Variants in MID1 observed in about 807,000 individuals in gnomAD.
The protein encoded by MID1 is midline 1, also known as E3 ubiquitin-protein ligase Midline-1.
Under a neutral mutation model 40.4 loss-of-function variants are expected in MID1, and 7 were observed. The observed-to-expected ratio is 0.17, with a 90% CI of 0.10 to 0.33. MID1 has a LOEUF of 0.33. Among genes scored for constraint, MID1 ranks in the 10% least tolerant of loss-of-function variants. The pLI, the probability that MID1 is intolerant of heterozygous loss-of-function variation, is 1.00. For missense variants in MID1, 367 were observed against 558.5 expected (o/e 0.66, Z 3.46); for synonymous variants, 229 against 221.2 (o/e 1.04, Z -0.31).
chrX:10,763,039 G>C (rs752565673), intron 1 of MID1, among the ~76,000 whole-genome samples: 1 of 110,812 alleles, frequency 9.0e-6, no homozygotes, highest in Non-Finnish European at 1.9e-5. Context: ...CGTATTTTCC[G>C]CTTTGTGGGC....
intron 3 of MID1, among the ~76,000 whole-genome samples, chrX:10,516,226 G>A (rs1339041188): frequency 1.2e-5 from 1 of 86,343 alleles, no homozygotes; most frequent in Non-Finnish European, 2.1e-5. Context: ...ACGGAGTCTC[G>A]CTCTGTCCCC....
intron 1 of MID1, among the ~76,000 whole-genome samples, chrX:10,664,440 G>A (rs931249890): frequency 1.8e-5 from 2 of 112,023 alleles, no homozygotes; most frequent in African/African-American, 6.5e-5. Context: ...AAAGTGCTAG[G>A]ATTATAGGCA....
intron 5 of MID1, among the ~76,000 whole-genome samples, chrX:10,476,232 GTAAC>G (rs1930003987): frequency 9.0e-6 from 1 of 111,493 alleles, no homozygotes; most frequent in Non-Finnish European, 1.9e-5. Flanking sequence ...GAGATGGGGA[GTAAC>G]TGCTTAATGA....
intron 1 of MID1, among the ~76,000 whole-genome samples, chrX:10,636,826 G>A (rs1313997542): frequency 2.8e-5 from 1 of 35,128 alleles, no homozygotes; most frequent in Admixed American, 2.7e-4. Flanking sequence ...ATACACCACT[G>A]GTGACTGACA....
intron 1 of MID1, among the ~76,000 whole-genome samples, chrX:10,784,300 C>A (rs2043865786): frequency 2.7e-5 from 3 of 111,607 alleles, no homozygotes; most frequent in African/African-American, 9.8e-5. Flanking sequence ...ACGTATGTTA[C>A]TTTCCAACAA....
At chrX:10,814,178 C>T (rs1038923107) in intron 1 of MID1, among the ~76,000 whole-genome samples, 5 of 111,546 alleles carry the variant, frequency 4.5e-5, no homozygotes, top group Non-Finnish European at 9.4e-5. Context: ...AGCCCGCAGG[C>T]CATAGTTTGC....
At chrX:10,778,495 C>T (rs1376680581) in intron 1 of MID1, among the ~76,000 whole-genome samples, 1 of 112,162 alleles carries the variant, frequency 8.9e-6, no homozygotes, top group Non-Finnish European at 1.9e-5. Flanking sequence ...TTTCTCTTCC[C>T]TACATTACCT....
At chrX:10,658,428 TAAAAAAAAAAAAAAAAAA>T (rs35116185) in intron 1 of MID1, among the ~76,000 whole-genome samples, 8 of 5,576 alleles carry the variant, frequency 1.4e-3, no homozygotes, top group Middle Eastern at 0.1. Context: ...CCTTCAACTG[TAAAAAAAAAAAAAAAAAA>T]AAAAAAAAAA....
intron 1 of MID1, among the ~76,000 whole-genome samples, chrX:10,780,507 G>A (rs111833269): frequency 0.043 from 4,848 of 111,826 alleles, 228 homozygotes; most frequent in African/African-American, 0.15. Context: ...TAAAAAGCTT[G>A]ATCTAGGCAC....
At chrX:10,656,838 C>T (rs2042877442) in intron 1 of MID1, among the ~76,000 whole-genome samples, 1 of 110,433 alleles carries the variant, frequency 9.1e-6, no homozygotes, top group Non-Finnish European at 1.9e-5. Context: ...CTTGCAGGCA[C>T]CCGTGGAGTC....
At chrX:10,571,187 G>C (rs1293303062) in intron 1 of MID1, among the ~76,000 whole-genome samples, 1 of 112,368 alleles carries the variant, frequency 8.9e-6, no homozygotes, top group African/African-American at 3.2e-5. Context: ...TACTGTAAAT[G>C]GTTAATTGTA....
At chrX:10,828,553 C>T (rs907555794) in intron 1 of MID1, among the ~76,000 whole-genome samples, 3 of 111,736 alleles carry the variant, frequency 2.7e-5, no homozygotes, top group Non-Finnish European at 3.8e-5. Flanking sequence ...AGGGGGAAAT[C>T]TACATTGAGA....
At chrX:10,777,215 T>A (rs1268451148) in intron 1 of MID1, among the ~76,000 whole-genome samples, 3 of 111,841 alleles carry the variant, frequency 2.7e-5, no homozygotes, top group Non-Finnish European at 3.8e-5. Context: ...TTATTTATTT[T>A]TTTTGAGACG....
intron 1 of MID1, among the ~76,000 whole-genome samples, chrX:10,618,231 T>C (rs1178983804): frequency 3.6e-5 from 4 of 112,293 alleles, no homozygotes; most frequent in Non-Finnish European, 5.6e-5. Context: ...GTCTGTTTGA[T>C]AGTTAACCCT....
chrX:10,549,981 C>A (rs780915060), intron 2 of MID1, among the ~76,000 whole-genome samples: 1 of 112,795 alleles, frequency 8.9e-6, no homozygotes, highest in Admixed American at 9.3e-5. Context: ...AAGTCTCTGA[C>A]TTGAGGAGTT....
intron 2 of MID1, among the ~76,000 whole-genome samples, chrX:10,557,208 T>C (rs1934155468): frequency 9.0e-6 from 1 of 111,633 alleles, no homozygotes; most frequent in South Asian, 3.8e-4. Context: ...CATGGGGGCA[T>C]CTTCTAGGCA....
At chrX:10,614,022 G>A (rs199661517) in intron 1 of MID1, among the ~76,000 whole-genome samples, 24 of 108,997 alleles carry the variant, frequency 2.2e-4, no homozygotes, top group East Asian at 8.7e-4. Context: ...AACACTTAAT[G>A]ATTCTTATTG....
intron 1 of MID1, among the ~76,000 whole-genome samples, chrX:10,580,462 C>T (rs1297813105): frequency 9.0e-6 from 1 of 111,558 alleles, no homozygotes; most frequent in Non-Finnish European, 1.9e-5. Context: ...GAAACAATGA[C>T]AGCAACTAAG....
intron 1 of MID1, among the ~76,000 whole-genome samples, chrX:10,820,615 ACCATCTTAAGTAAC>A (rs1258987391): frequency 7.6e-5 from 5 of 66,104 alleles, no homozygotes; most frequent in African/African-American, 3.0e-4. Flanking sequence ...AAAGAAACAG[ACCATCTTAAGTAAC>A]ACATGGACAT....
Sources: gnomAD v4.1 joint callset for allele counts (sites outside exome capture counted in the v4.1 genomes callset) on GRCh38, gnomAD v4.1.1 for gene constraint, MANE v1.5 for transcripts, NCBI Gene and HGNC (gene_info 2026-07-23, HGNC 2026-07-21) for gene names.